Variants in ADAM20 observed in about 807,000 individuals in gnomAD.
The protein encoded by ADAM20 is ADAM metallopeptidase domain 20.
For synonymous variants in ADAM20, 305 were observed against 310.2 expected (o/e 0.98, Z 0.18); for missense variants, 871 against 883.2 (o/e 0.99, Z 0.18).
At chr14:70,557,937 C>CT in the ADAM20 span, among the ~76,000 whole-genome samples, 1 of 152,240 alleles carries the variant, frequency 6.6e-6, no homozygotes, top group South Asian at 2.1e-4. Context: ...CAAACAGGCA[C>CT]TGAATTTTTT....
chr14:70,575,077 T>C, the ADAM20 span, among the ~76,000 whole-genome samples: 16 of 151,980 alleles, frequency 1.1e-4, no homozygotes, highest in African/African-American at 3.9e-4. Context: ...TTGGTATAAA[T>C]TTTCTGTAAC....
At chr14:70,531,799 A>G (rs568339279) in intron 1 of ADAM20, among the ~76,000 whole-genome samples, 1 of 152,228 alleles carries the variant, frequency 6.6e-6, no homozygotes, top group African/African-American at 2.4e-5. Flanking sequence ...AATTTAAAAA[A>G]TTAAAGACAT....
chr14:70,554,259 C>G, the ADAM20 span, among the ~76,000 whole-genome samples: 1 of 152,040 alleles, frequency 6.6e-6, no homozygotes, highest in Admixed American at 6.5e-5. Context: ...AGAAATGGAG[C>G]CCTTGTACGC....
At chr14:70,570,624 T>C in the ADAM20 span, among the ~76,000 whole-genome samples, 2 of 151,938 alleles carry the variant, frequency 1.3e-5, no homozygotes, top group African/African-American at 4.8e-5. Flanking sequence ...AAATCGGTAA[T>C]AAAAAATCTA....
intron 1 of ADAM20, among the ~76,000 whole-genome samples, chr14:70,525,461 ATCT>A (rs1196861423): frequency 1.3e-5 from 2 of 152,124 alleles, no homozygotes; most frequent in East Asian, 3.9e-4. Flanking sequence ...GTCTCAAGTG[ATCT>A]TCTTGTCTCA....
At chr14:70,546,487 G>C in the ADAM20 span, among the ~76,000 whole-genome samples, 2 of 152,304 alleles carry the variant, frequency 1.3e-5, no homozygotes, top group African/African-American at 4.8e-5. Context: ...CCAGGTCACA[G>C]ATAGGTGAGA....
chr14:70,524,495 G>A lies in ADAM20; in HGVS notation c.263C>T (p.Pro88Leu). 1 of 1,614,020 alleles carries A rather than the reference G, an allele frequency of 6.2e-7. No homozygotes were observed. The highest frequency in any genetic ancestry group is 8.5e-7 in the Non-Finnish European group (1 of 1,179,956). ...VNKLLFAAHLPVFTYTEQHAL... is the reference protein window; with the variant it reads ...VNKLLFAAHLLVFTYTEQHAL... ...ATGCTGCTCTGTGTAGGTGAACACA[G>A]GAAGGTGTGCAGCAAACAACAGCTT... is the stretch of plus-strand genomic sequence containing the variant. The change falls in exon 2 of 2, where the codon CCT becomes CTT. Residue 88 changes from proline to leucine, a missense_variant. Coordinates refer to ENST00000256389, the MANE Select transcript of ADAM20 (RefSeq NM_003814.5).
At chr14:70,568,905 C>T in the ADAM20 span, among the ~76,000 whole-genome samples, 1 of 152,062 alleles carries the variant, frequency 6.6e-6, no homozygotes. Flanking sequence ...AGGAAAATTT[C>T]CCTAATCTTG....
the ADAM20 span, among the ~76,000 whole-genome samples, chr14:70,565,836 C>A: frequency 1.3e-5 from 2 of 151,858 alleles, no homozygotes; most frequent in African/African-American, 4.8e-5. Context: ...TTATTTTATA[C>A]AACAGACTTT....
chr14:70,544,000 G>C, the ADAM20 span, among the ~76,000 whole-genome samples: 1 of 152,052 alleles, frequency 6.6e-6, no homozygotes, highest in African/African-American at 2.4e-5. Context: ...TCTCCAACCA[G>C]AAACATTCCA....
At chr14:70,575,735 A>G in the ADAM20 span, among the ~76,000 whole-genome samples, 2 of 152,212 alleles carry the variant, frequency 1.3e-5, no homozygotes, top group African/African-American at 4.8e-5. Flanking sequence ...AGATATACAT[A>G]AGTAACTATA....
the ADAM20 span, among the ~76,000 whole-genome samples, chr14:70,564,888 A>AT: frequency 1.0e-4 from 15 of 149,576 alleles, no homozygotes; most frequent in African/African-American, 2.9e-4. Context: ...GTATAAAAAA[A>AT]TTTTTTTTTG....
chr14:70,575,872 G>A, the ADAM20 span, among the ~76,000 whole-genome samples: 27 of 152,114 alleles, frequency 1.8e-4, no homozygotes, highest in Non-Finnish European at 3.4e-4. Context: ...TTAAAAAGGA[G>A]ACAAAAATTT....
chr14:70,530,038 T>G (rs1883677450), intron 1 of ADAM20, among the ~76,000 whole-genome samples: 1 of 152,142 alleles, frequency 6.6e-6, no homozygotes, highest in South Asian at 2.1e-4. Context: ...ATCCCAGCAC[T>G]TTGGGAGGCC....
chr14:70,578,526 G>A, the ADAM20 span, among the ~76,000 whole-genome samples: 14 of 152,096 alleles, frequency 9.2e-5, no homozygotes, highest in Admixed American at 8.5e-4. Context: ...TCTGCACAGC[G>A]AAAGAAACAA....
chr14:70,529,996 T>C (rs1883676092), intron 1 of ADAM20, among the ~76,000 whole-genome samples: 1 of 152,178 alleles, frequency 6.6e-6, no homozygotes, highest in African/African-American at 2.4e-5. Flanking sequence ...AATTTTTACA[T>C]CGTAGGCCAG....
At chr14:70,557,156 G>A in the ADAM20 span, 4 of 152,088 alleles carry the variant, frequency 2.6e-5, no homozygotes, top group Non-Finnish European at 5.9e-5. Context: ...ACAACATAAT[G>A]CTATAATTAA....
chr14:70,568,211 C>T, the ADAM20 span, among the ~76,000 whole-genome samples: 1 of 152,188 alleles, frequency 6.6e-6, no homozygotes, highest in South Asian at 2.1e-4. Flanking sequence ...ATGTTCAATA[C>T]ATCGCTACAA....
chr14:70,545,146 C>A, the ADAM20 span, among the ~76,000 whole-genome samples: 4 of 152,088 alleles, frequency 2.6e-5, no homozygotes, highest in Admixed American at 6.5e-5. Flanking sequence ...ACTGATCATC[C>A]CCACTGAAGA....
Sources: gnomAD v4.1 joint callset for allele counts (sites outside exome capture counted in the v4.1 genomes callset) on GRCh38, gnomAD v4.1.1 for gene constraint, MANE v1.5 for transcripts, NCBI Gene and HGNC (gene_info 2026-07-23, HGNC 2026-07-21) for gene names.